The following PTPRD variants were observed in gnomAD, a reference collection of about 807,000 sequenced individuals.
PTPRD encodes receptor-type tyrosine-protein phosphatase delta.
PTPRD carries 34 observed loss-of-function variants against 214.5 expected under a neutral mutation model. The ratio of observed to expected loss-of-function variants is 0.16; its 90% CI spans 0.12 to 0.21. The LOEUF (loss-of-function observed/expected upper bound fraction) is 0.21. Among genes scored for constraint, PTPRD ranks in the 10% least tolerant of loss-of-function variants. The pLI is 1.00. For missense variants in PTPRD, 2,545 were observed against 2,398.7 expected (o/e 1.06, Z -1.27); for synonymous variants, 1,128 against 845.7 (o/e 1.33, Z -5.79).
At chr9:10,558,433 C>G (rs2063105895) in intron 2 of PTPRD, among the ~76,000 whole-genome samples, 1 of 152,058 alleles carries the variant, frequency 6.6e-6, no homozygotes, top group African/African-American at 2.4e-5. Flanking sequence ...TTAGCAAATC[C>G]ACCAAGGAGA....
At chr9:10,246,435 G>T (rs936750776) in intron 3 of PTPRD, among the ~76,000 whole-genome samples, 5 of 152,052 alleles carry the variant, frequency 3.3e-5, no homozygotes, top group Admixed American at 1.3e-4. Flanking sequence ...GTAGAGATGG[G>T]TTTTCACCAT....
chr9:8,601,265 C>T (rs2094842379), intron 14 of PTPRD, among the ~76,000 whole-genome samples: 1 of 152,164 alleles, frequency 6.6e-6, no homozygotes, highest in Non-Finnish European at 1.5e-5. Flanking sequence ...TTTTTGACTC[C>T]AGTCCCTGGC....
At chr9:10,147,690 G>T (rs551187879) in intron 3 of PTPRD, among the ~76,000 whole-genome samples, 31 of 152,176 alleles carry the variant, frequency 2.0e-4, no homozygotes, top group Admixed American at 1.4e-3. Context: ...GACCAGCCTG[G>T]CCAATATGGT....
At chr9:9,140,042 A>G (rs1474604420) in intron 10 of PTPRD, among the ~76,000 whole-genome samples, 1 of 152,210 alleles carries the variant, frequency 6.6e-6, no homozygotes, top group East Asian at 1.9e-4. Context: ...TTTTGTTTGA[A>G]AAAAGATTTA....
At chr9:10,088,866 G>A (rs1487685780) in intron 3 of PTPRD, among the ~76,000 whole-genome samples, 1 of 151,526 alleles carries the variant, frequency 6.6e-6, no homozygotes, top group Non-Finnish European at 1.5e-5. Flanking sequence ...GAAAAATTCT[G>A]GAATTTTTGG....
At chr9:8,845,387 T>C (rs2097670398) in intron 11 of PTPRD, among the ~76,000 whole-genome samples, 1 of 152,206 alleles carries the variant, frequency 6.6e-6, no homozygotes, top group African/African-American at 2.4e-5. Context: ...ATATTAGCTC[T>C]TGGTTGCAAC....
At chr9:9,993,508 G>A (rs2096019651) in intron 4 of PTPRD, among the ~76,000 whole-genome samples, 1 of 152,020 alleles carries the variant, frequency 6.6e-6, no homozygotes, top group Non-Finnish European at 1.5e-5. Flanking sequence ...ATAACAATAT[G>A]GATAAATTCT....
intron 4 of PTPRD, among the ~76,000 whole-genome samples, chr9:9,976,820 C>G (rs865828910): frequency 6.6e-5 from 10 of 151,174 alleles, no homozygotes; most frequent in Admixed American, 6.6e-4. Flanking sequence ...CAGTTCACTC[C>G]TGAGTTGTCT....
intron 2 of PTPRD, among the ~76,000 whole-genome samples, chr9:10,419,562 A>G (rs1465062440): frequency 6.6e-6 from 1 of 151,888 alleles, no homozygotes. Context: ...TCAGGTCAGA[A>G]TATACATGAT....
intron 9 of PTPRD, among the ~76,000 whole-genome samples, chr9:9,337,558 A>G (rs1415145981): frequency 6.6e-6 from 1 of 152,140 alleles, no homozygotes; most frequent in African/African-American, 2.4e-5. Context: ...TTTAAATTCT[A>G]GTCTCTGAGA....
At chr9:9,502,919 G>C (rs1226829746) in intron 8 of PTPRD, among the ~76,000 whole-genome samples, 1 of 151,890 alleles carries the variant, frequency 6.6e-6, no homozygotes, top group East Asian at 1.9e-4. Flanking sequence ...TGCCTTCACA[G>C]TGGGATTAGA....
At chr9:10,446,233 T>C (rs2098798092) in intron 2 of PTPRD, among the ~76,000 whole-genome samples, 1 of 151,930 alleles carries the variant, frequency 6.6e-6, no homozygotes, top group Non-Finnish European at 1.5e-5. Context: ...TTTGACTTAA[T>C]AATATGTTTT....
intron 37 of PTPRD, 74 bp from the exon 38 acceptor site, chr9:8,376,800 T>C: frequency 6.3e-7 from 1 of 1,588,444 alleles, no homozygotes; most frequent in Non-Finnish European, 8.6e-7. Flanking sequence ...GAGTTGCTGT[T>C]GAAGGAAAAC....
chr9:9,399,061 G>C (rs2069085823), intron 8 of PTPRD, among the ~76,000 whole-genome samples: 3 of 140,616 alleles, frequency 2.1e-5, no homozygotes, highest in Admixed American at 7.1e-5. Flanking sequence ...ACAATTTTGT[G>C]TAGTTACTCG....
At chr9:10,508,993 A>G (rs996001827) in intron 2 of PTPRD, among the ~76,000 whole-genome samples, 1 of 152,040 alleles carries the variant, frequency 6.6e-6, no homozygotes. Context: ...TATAATGTCG[A>G]TATGTGTTTT....
chr9:10,038,497 G>A (rs1384136537), intron 3 of PTPRD, among the ~76,000 whole-genome samples: 1 of 151,968 alleles, frequency 6.6e-6, no homozygotes, highest in Non-Finnish European at 1.5e-5. Flanking sequence ...CACTTATAAT[G>A]TATCTTACAC....
chr9:8,974,417 C>A (rs887420914), intron 11 of PTPRD, among the ~76,000 whole-genome samples: 1 of 151,928 alleles, frequency 6.6e-6, no homozygotes, highest in Non-Finnish European at 1.5e-5. Context: ...ATTTATTATA[C>A]TTTAAATTCT....
At position 9,710,817 on chromosome 9, in the gene PTPRD, T is replaced by C. The variant is rs58584338; in HGVS notation, c.-287+23716A>G. Among the ~76,000 whole-genome samples, 530 of 152,202 alleles carry C rather than the reference T, an allele frequency of 3.5e-3. 4 individuals are homozygous for C. The highest frequency in any genetic ancestry group is 0.012 in the African/African-American group (496 of 41,536). ...CACACACACACAGCAGTTTCTAGAA[T>C]AATGTTATTTCATTCAATACCGTTT... On this transcript the variant is annotated intron_variant, in intron 7 of 45. Transcript: ENST00000381196.
chr9:10,565,630 C>A (rs1051568826), intron 2 of PTPRD, among the ~76,000 whole-genome samples: 1 of 151,990 alleles, frequency 6.6e-6, no homozygotes, highest in Non-Finnish European at 1.5e-5. Flanking sequence ...TAATGTATAA[C>A]AACATCAGCA....
Sources: allele counts gnomAD v4.1 joint callset (sites outside exome capture counted in the v4.1 genomes callset), GRCh38; gene constraint gnomAD v4.1.1; transcripts MANE v1.5; gene names NCBI Gene and HGNC (gene_info 2026-07-23, HGNC 2026-07-21).